COL26A1: variants seen among roughly 807,000 people sequenced by gnomAD.
The protein encoded by COL26A1 is collagen type XXVI alpha 1 chain, also known as collagen alpha-1(XXVI) chain.
In COL26A1, 41 loss-of-function variants were observed where a neutral mutation model predicts 59.3. The ratio of observed to expected loss-of-function variants is 0.69; its 90% confidence interval spans 0.54 to 0.90. COL26A1 has a LOEUF of 0.90. Ranked by LOEUF, COL26A1 falls within the 40% of genes least tolerant of loss-of-function variation. COL26A1 has a pLI of 0.00. For synonymous variants in COL26A1, 266 were observed against 256.0 expected, an observed-to-expected ratio of 1.04 and a Z score of -0.37; for missense variants, 612 against 602.3, an observed-to-expected ratio of 1.02 and a Z score of -0.17.
At chr7:101,517,939 G>A (rs186379078) in intron 3 of COL26A1, among the ~76,000 whole-genome samples, 10 of 149,304 alleles carry the variant, frequency 6.7e-5, no homozygotes, top group Middle Eastern at 3.5e-3. Context: ...TCGGCCTCCC[G>A]AGTAGCTGGG....
intron 3 of COL26A1, among the ~76,000 whole-genome samples, chr7:101,504,815 GTGTGTGTGTGTA>G (rs1563016726): frequency 6.6e-6 from 1 of 152,328 alleles, no homozygotes; most frequent in East Asian, 1.9e-4. Flanking sequence ...GACTGTGTGT[GTGTGTGTGTGTA>G]TGTGTGTGTG....
At chr7:101,485,443 A>G (rs919246211) in intron 3 of COL26A1, among the ~76,000 whole-genome samples, 1 of 152,154 alleles carries the variant, frequency 6.6e-6, no homozygotes, top group Non-Finnish European at 1.5e-5. Flanking sequence ...GTCATAGGCT[A>G]TGATGCTGCA....
At chr7:101,475,121 G>C (rs1246357480) in intron 3 of COL26A1, among the ~76,000 whole-genome samples, 1 of 150,992 alleles carries the variant, frequency 6.6e-6, no homozygotes, top group Non-Finnish European at 1.5e-5. Flanking sequence ...GCTTGAACCT[G>C]GGAGGCAGAG....
chr7:101,510,758 G>C (rs1011371323), intron 3 of COL26A1, among the ~76,000 whole-genome samples: 1 of 151,880 alleles, frequency 6.6e-6, no homozygotes, highest in Admixed American at 6.6e-5. Flanking sequence ...GGCTTCAAGA[G>C]AGCCTCCTGC....
Position 101,549,174 on chromosome 7 carries a change from C to T in COL26A1, c.944C>T (p.Pro315Leu), listed in dbSNP as rs541739687. 5.3e-5 allele frequency: 84 copies of T among 1,591,856 alleles called. No individual in the cohort carries two copies. The highest frequency in any genetic ancestry group is 7.1e-5 in the Non-Finnish European group (83 of 1,170,120). ...GPRGPPGPPGPPGPRGPPGPP... is the reference protein window; with the variant it reads ...GPRGPPGPPGLPGPRGPPGPP... ...CCATCTGTGACTCTGCCCACAGGTC[C>T]CCCTGGGCCTCGAGGTCCCCCAGGA... The change falls in exon 9 of 13, where the codon CCC becomes CTC. Residue 315 changes from proline (P) to leucine (L), a missense_variant. Pro to Leu is a moderately conservative substitution (Grantham distance 98). Coordinates refer to ENST00000313669, the MANE Select transcript of COL26A1 (RefSeq NM_001278563.3).
At chr7:101,505,589 C>T (rs1429259225) in intron 3 of COL26A1, among the ~76,000 whole-genome samples, 2 of 152,114 alleles carry the variant, frequency 1.3e-5, no homozygotes, top group East Asian at 1.9e-4. Context: ...GTCCGATGTT[C>T]GAGGGCAGGA....
chr7:101,461,769 T>C (rs1793618723), intron 3 of COL26A1, among the ~76,000 whole-genome samples: 1 of 152,042 alleles, frequency 6.6e-6, no homozygotes, highest in African/African-American at 2.4e-5. Flanking sequence ...AGGGCTTTGG[T>C]CAATGTTATC....
intron 3 of COL26A1, among the ~76,000 whole-genome samples, chr7:101,514,199 G>A (rs1431902723): frequency 8.5e-5 from 13 of 152,074 alleles, no homozygotes; most frequent in African/African-American, 3.1e-4. Flanking sequence ...TTAGCCGGGC[G>A]TGGTGGCGGG....
intron 1 of COL26A1, among the ~76,000 whole-genome samples, chr7:101,377,514 C>T (rs186528530): frequency 6.6e-6 from 1 of 152,276 alleles, no homozygotes; most frequent in Non-Finnish European, 1.5e-5. Context: ...GCAGCCTTGA[C>T]TGTCTGGACT....
At chr7:101,503,772 TG>T (rs1299094220) in intron 3 of COL26A1, among the ~76,000 whole-genome samples, 1 of 152,220 alleles carries the variant, frequency 6.6e-6, no homozygotes, top group African/African-American at 2.4e-5. Context: ...CTGGAACTTT[TG>T]TTTCAGTCCT....
At chr7:101,376,919 C>T (rs1347535625) in intron 1 of COL26A1, among the ~76,000 whole-genome samples, 5 of 152,054 alleles carry the variant, frequency 3.3e-5, no homozygotes, top group East Asian at 1.9e-4. Flanking sequence ...AGTGCAGTGG[C>T]GTGATCTTAG....
Position 101,536,020 on chromosome 7 carries a change from G to A in COL26A1, c.447+2877G>A, listed in dbSNP as rs1029856045. Among the ~76,000 whole-genome samples, 5 of 152,322 alleles carry A rather than the reference G, an allele frequency of 3.3e-5. No individual in the cohort carries two copies. In the East Asian group the frequency reaches 9.6e-4, roughly 29 times the overall value. ...CTCCATGCCCACGTATGTTGAGAGG[G>A]CCTCTAGGAGGTTTTTTTAGACAAG... On this transcript the variant is annotated intron_variant, in intron 4 of 12. Coordinates refer to ENST00000313669, the MANE Select transcript of COL26A1 (RefSeq NM_001278563.3).
intron 4 of COL26A1, among the ~76,000 whole-genome samples, chr7:101,537,741 TG>T (rs1795510370): frequency 6.6e-6 from 1 of 152,084 alleles, no homozygotes; most frequent in Non-Finnish European, 1.5e-5. Flanking sequence ...AGAGGTTGCC[TG>T]TAGGAGGCCA....
At chr7:101,392,348 G>A (rs1791753657) in intron 1 of COL26A1, among the ~76,000 whole-genome samples, 1 of 150,448 alleles carries the variant, frequency 6.6e-6, no homozygotes, top group South Asian at 2.1e-4. Flanking sequence ...CTGTTGTTAT[G>A]AGCAGGTGCC....
chr7:101,555,324 CT>C (rs1272064238), intron 11 of COL26A1, among the ~76,000 whole-genome samples: 9 of 152,208 alleles, frequency 5.9e-5, no homozygotes, highest in Non-Finnish European at 2.9e-5. Context: ...TACCCTGCCC[CT>C]TGCCTGCTGT....
intron 3 of COL26A1, among the ~76,000 whole-genome samples, chr7:101,478,779 A>G (rs1187387295): frequency 6.6e-6 from 1 of 152,134 alleles, no homozygotes; most frequent in Non-Finnish European, 1.5e-5. Flanking sequence ...TTCCTAGACA[A>G]ATTTCTCTAC....
At chr7:101,443,791 C>T (rs936114983) in intron 2 of COL26A1, among the ~76,000 whole-genome samples, 2 of 151,522 alleles carry the variant, frequency 1.3e-5, no homozygotes, top group African/African-American at 4.9e-5. Flanking sequence ...GGATTCACAG[C>T]ATTTTGCAAG....
chr7:101,485,712 G>A (rs976755545), intron 3 of COL26A1, among the ~76,000 whole-genome samples: 4 of 152,146 alleles, frequency 2.6e-5, no homozygotes, highest in African/African-American at 9.6e-5. Flanking sequence ...GAGACAGATG[G>A]ACAGTTCTGG....
rs995937671 is a variant in COL26A1 at position 101,558,057 on chromosome 7, CGA to C, written c.*532_*533del. The C allele has an allele frequency of 2.6e-5, 4 of 152,334 alleles. No individual in the cohort carries two copies. The highest frequency in any genetic ancestry group is 9.6e-5 in the African/African-American group (4 of 41,472). The allele number at this position is 152,334 out of a possible 1,614,324, so 9.4% of individuals were successfully genotyped here. On this transcript the variant is annotated 3_prime_UTR_variant, in exon 13 of 13. Coordinates refer to ENST00000313669, the MANE Select transcript of COL26A1 (RefSeq NM_001278563.3). Reference sequence around the variant, plus strand: ...CTCGACCCTGCCAGCTTCCCCTCTTCGAGAGAAAACTCAGACAGGGAGGGCGC... The same window carrying C: ...CTCGACCCTGCCAGCTTCCCCTCTTCGAGAAAACTCAGACAGGGAGGGCGC...
Sources: allele counts gnomAD v4.1 joint callset (sites outside exome capture counted in the v4.1 genomes callset), GRCh38; gene constraint gnomAD v4.1.1; transcripts MANE v1.5; gene names NCBI Gene and HGNC (gene_info 2026-07-23, HGNC 2026-07-21).